ZNF362: variants seen among roughly 807,000 people sequenced by gnomAD.
The protein encoded by ZNF362 is zinc finger protein 362.
ZNF362 carries 11 observed loss-of-function variants against 42.9 expected under a neutral mutation model. That is an observed-to-expected ratio of 0.26 (90% CI 0.16 to 0.42). The LOEUF is 0.42. Ranked by LOEUF, ZNF362 falls within the 20% of genes least tolerant of loss-of-function variation. The pLI, the probability that ZNF362 is intolerant of heterozygous loss-of-function variation, is 1.00. For missense variants in ZNF362, 362 were observed against 576.2 expected (o/e 0.63, Z 3.81); for synonymous variants, 255 against 257.3 (o/e 0.99, Z 0.09).
At chr1:33,192,570 T>C in the ZNF362 span, among the ~76,000 whole-genome samples, 142 of 152,292 alleles carry the variant, frequency 9.3e-4, no homozygotes, top group Middle Eastern at 3.4e-3. Flanking sequence ...ACCACAGTGG[T>C]TTATTAACGG....
chr1:33,147,981 C>T, the ZNF362 span, among the ~76,000 whole-genome samples: 1 of 152,172 alleles, frequency 6.6e-6, no homozygotes, highest in East Asian at 1.9e-4. The surrounding 1 kb of genome is among the most constrained non-coding windows in gnomAD (Gnocchi z 8.1). Flanking sequence ...TGCCTGATGC[C>T]CAGGGCGGAG....
chr1:33,148,990 A>AGGTCCAAAGCCTCTGCTTACAC, the ZNF362 span, among the ~76,000 whole-genome samples: 2 of 152,082 alleles, frequency 1.3e-5, no homozygotes. Context: ...TACCCCACTT[A>AGGTCCAAAGCCTCTGCTTACAC]GGTCCAAAGC....
the ZNF362 span, among the ~76,000 whole-genome samples, chr1:33,233,964 G>C: frequency 1.3e-5 from 2 of 152,174 alleles, no homozygotes; most frequent in African/African-American, 4.8e-5. Context: ...AATTAAATGA[G>C]TTTCTGCATG....
At chr1:33,136,114 C>T in the ZNF362 span, among the ~76,000 whole-genome samples, 1 of 15,416 alleles carries the variant, frequency 6.5e-5, no homozygotes, top group East Asian at 1.1e-3. Context: ...AGGGGCCAGC[C>T]CTTCCTTCCT....
upstream of ZNF362, among the ~76,000 whole-genome samples, chr1:33,251,638 A>G (rs1187475622): frequency 6.6e-6 from 1 of 152,134 alleles, no homozygotes; most frequent in Non-Finnish European, 1.5e-5. Flanking sequence ...TACGACATCT[A>G]GCCCTGAGTG....
the ZNF362 span, among the ~76,000 whole-genome samples, chr1:33,223,956 C>T: frequency 6.6e-6 from 1 of 151,256 alleles, no homozygotes; most frequent in African/African-American, 2.4e-5. Flanking sequence ...TAGTCCCTGA[C>T]TGCATTAAGG....
upstream of ZNF362, among the ~76,000 whole-genome samples, chr1:33,254,434 C>A (rs1645774569): frequency 6.6e-6 from 1 of 152,060 alleles, no homozygotes; most frequent in African/African-American, 2.4e-5. Flanking sequence ...TCTTTAGGCT[C>A]CTCTCTGGCT....
chr1:33,134,926 G>C, the ZNF362 span, among the ~76,000 whole-genome samples: 1 of 152,128 alleles, frequency 6.6e-6, no homozygotes, highest in Non-Finnish European at 1.5e-5. Context: ...TTTCCCGCTG[G>C]GTTCCCTCCC....
rs1645865741 is a variant in ZNF362 at position 33,266,499 on chromosome 1, G to A, written c.-88-3988G>A. Reference sequence around the variant, plus strand: ...GACCATGGGAGTGTATAACAGGGTAGCCCAATTCCTATGTGGGAAACGTCA... The same window carrying A: ...GACCATGGGAGTGTATAACAGGGTAACCCAATTCCTATGTGGGAAACGTCA... On this transcript the variant is annotated intron_variant, in intron 1 of 8. Coordinates refer to ENST00000539719, the MANE Select transcript of ZNF362 (RefSeq NM_152493.3). The surrounding 1 kb of genome is among the most constrained non-coding windows in gnomAD (Gnocchi z 4.3). Among the ~76,000 whole-genome samples, 1 of 152,206 alleles carries A rather than the reference G, an allele frequency of 6.6e-6. No homozygotes were observed. The highest frequency in any genetic ancestry group is 2.1e-4 in the South Asian group (1 of 4,826).
the ZNF362 span, among the ~76,000 whole-genome samples, chr1:33,201,523 A>G: frequency 2.0e-5 from 3 of 152,242 alleles, no homozygotes; most frequent in Admixed American, 1.3e-4. Context: ...GAAACTGAAT[A>G]ACATACTTCT....
At position 33,294,777 on chromosome 1, in the gene ZNF362, G is replaced by A. The variant is rs1004299549; in HGVS notation, c.909-160G>A. 2.6e-5 allele frequency among the ~76,000 whole-genome samples: 4 copies of A among 152,144 alleles called. No homozygotes were observed. In the East Asian group the frequency reaches 5.8e-4, roughly 22 times the overall value. ...AGAGAAGGAAGGAAGAGCCATGGCC[G>A]TTGAAGTCCCCAGCTCTTGCCTGGG... On this transcript the variant is annotated intron_variant, in intron 6 of 8. Transcript: ENST00000539719. The surrounding 1 kb of genome is among the most constrained non-coding windows in gnomAD (Gnocchi z 4.2).
At chr1:33,214,883 C>T in the ZNF362 span, among the ~76,000 whole-genome samples, 31 of 152,254 alleles carry the variant, frequency 2.0e-4, no homozygotes, top group Middle Eastern at 3.4e-3. Flanking sequence ...GGGGAACCCT[C>T]GTACACTGTT....
At chr1:33,134,514 A>G in the ZNF362 span, among the ~76,000 whole-genome samples, 15,408 of 152,218 alleles carry the variant, frequency 0.1, 986 homozygotes, top group Non-Finnish European at 0.14. Flanking sequence ...GGACTATCCT[A>G]TGGAAAGGAG....
intron 1 of ZNF362, among the ~76,000 whole-genome samples, chr1:33,263,531 C>T (rs766761923): frequency 6.6e-6 from 1 of 152,150 alleles, no homozygotes; most frequent in Non-Finnish European, 1.5e-5. Context: ...CTGCCTCAGC[C>T]TCCAGAGTAG....
At chr1:33,175,899 G>C in the ZNF362 span, among the ~76,000 whole-genome samples, 2 of 152,078 alleles carry the variant, frequency 1.3e-5, no homozygotes, top group Non-Finnish European at 2.9e-5. Flanking sequence ...TCCCTACCAG[G>C]TCTTTTTTCT....
the ZNF362 span, among the ~76,000 whole-genome samples, chr1:33,152,862 C>T: frequency 6.6e-6 from 1 of 152,156 alleles, no homozygotes; most frequent in Middle Eastern, 3.4e-3. Context: ...GGAGAGCAGC[C>T]CAGGATGGGG....
the ZNF362 span, among the ~76,000 whole-genome samples, chr1:33,137,286 A>G: frequency 1.3e-5 from 2 of 152,216 alleles, no homozygotes; most frequent in Non-Finnish European, 2.9e-5. Context: ...GTAAGCAGAA[A>G]GTCATCTTAA....
intron 1 of ZNF362, among the ~76,000 whole-genome samples, chr1:33,265,971 T>G (rs761255052): frequency 8.5e-5 from 13 of 152,194 alleles, no homozygotes; most frequent in Non-Finnish European, 1.5e-4. Flanking sequence ...TGCAGTTCTT[T>G]CCACCTGCCA....
At chr1:33,287,956 T>G (rs927173389) in intron 6 of ZNF362, among the ~76,000 whole-genome samples, 3 of 152,210 alleles carry the variant, frequency 2.0e-5, no homozygotes, top group Non-Finnish European at 2.9e-5. Flanking sequence ...AAACACGACA[T>G]GCCAAAAGCC....
Sources: gnomAD v4.1 joint callset for allele counts (sites outside exome capture counted in the v4.1 genomes callset) on GRCh38, gnomAD v4.1.1 for gene constraint, Gnocchi (gnomAD v3.1) non-coding constraint, MANE v1.5 for transcripts, NCBI Gene and HGNC (gene_info 2026-07-23, HGNC 2026-07-21) for gene names.